Variants in TJP2 observed in about 807,000 individuals in gnomAD.
TJP2 encodes the protein tight junction protein 2.
Under a neutral mutation model 133.1 loss-of-function variants are expected in TJP2, and 91 were observed. That is an observed-to-expected ratio of 0.68 (90% CI 0.58 to 0.81). The LOEUF (loss-of-function observed/expected upper bound fraction) is 0.81, where lower values mean the gene tolerates loss of function less well. Ranked by LOEUF, TJP2 falls within the 40% of genes least tolerant of loss-of-function variation. The pLI is 0.00. For missense variants in TJP2, 1,541 were observed against 1,565.6 expected (o/e 0.98, Z 0.26); for synonymous variants, 592 against 583.4 (o/e 1.01, Z -0.21).
At chr9:69,212,715 A>G in intron 2 of TJP2, 114 bp downstream of exon 2, 1 of 773,998 alleles carries the variant, frequency 1.3e-6, no homozygotes, top group East Asian at 2.6e-5. Context: ...CTTGAGGTAC[A>G]TAATGTATTA....
intron 11 of TJP2, among the ~76,000 whole-genome samples, chr9:69,232,181 T>G (rs537279068): frequency 2.0e-4 from 30 of 152,252 alleles, no homozygotes; most frequent in Non-Finnish European, 4.3e-4. Flanking sequence ...GGGAACTGGC[T>G]TCTTTTGCTG....
chr9:69,168,403 A>C (rs1186392305), intron 2 of TJP2, among the ~76,000 whole-genome samples: 3 of 152,186 alleles, frequency 2.0e-5, no homozygotes, highest in Non-Finnish European at 4.4e-5. Flanking sequence ...TGTACAACTG[A>C]AAACAGTGTC....
At chr9:69,229,460 A>G (rs1396244116) in intron 10 of TJP2, among the ~76,000 whole-genome samples, 1 of 152,192 alleles carries the variant, frequency 6.6e-6, no homozygotes, top group East Asian at 1.9e-4. Flanking sequence ...TGTGATGTTA[A>G]TGTTGTCTGT....
At chr9:69,161,663 A>G (rs1427274307) in intron 2 of TJP2, among the ~76,000 whole-genome samples, 1 of 151,952 alleles carries the variant, frequency 6.6e-6, no homozygotes, top group Non-Finnish European at 1.5e-5. Flanking sequence ...GAGCACTATT[A>G]TATATTATTA....
intron 1 of TJP2, among the ~76,000 whole-genome samples, chr9:69,144,338 G>A (rs1426419102): frequency 1.3e-5 from 2 of 152,176 alleles, no homozygotes; most frequent in East Asian, 1.9e-4. Context: ...TAGGGTTTAA[G>A]ATTTGCGGGG....
At chr9:69,150,506 C>T (rs763564385) in intron 1 of TJP2, among the ~76,000 whole-genome samples, 1 of 151,972 alleles carries the variant, frequency 6.6e-6, no homozygotes, top group African/African-American at 2.4e-5. Flanking sequence ...GTTGGCCAGG[C>T]TGGTCTTGAT....
intron 2 of TJP2, among the ~76,000 whole-genome samples, chr9:69,153,444 C>A (rs888577091): frequency 6.6e-6 from 1 of 152,122 alleles, no homozygotes; most frequent in East Asian, 1.9e-4. Flanking sequence ...ATTAGCCAGG[C>A]GTGGTGGTGC....
chr9:69,240,073 C>T lies in TJP2; in HGVS notation c.2492C>T (p.Thr831Met), dbSNP rs778708131. 17 of 1,613,794 alleles carry T rather than the reference C, an allele frequency of 1.1e-5. No individual in the cohort carries two copies. The highest frequency in any genetic ancestry group is 1.6e-4 in the Middle Eastern group (1 of 6,084). The change falls in exon 17 of 23, where the codon ACG becomes ATG. Residue 831 changes from threonine (T) to methionine (M), a missense_variant. By Grantham distance (81) the Thr-to-Met change is moderately conservative (BLOSUM62 -1). Transcript: ENST00000377245. ...ACCATGAGACAAAGGTTAAATCCAA[C>T]GTCCAACAAAAGTTCTCGAAAGTTA... is the stretch of plus-strand genomic sequence containing the variant. ...VKTMRQRLNPTSNKSSRKLFD... is the reference protein window; with the variant it reads ...VKTMRQRLNPMSNKSSRKLFD...
intron 5 of TJP2, 79 bp downstream of exon 5, chr9:69,221,575 C>A (rs1416869251): frequency 1.3e-6 from 2 of 1,523,254 alleles, no homozygotes; most frequent in African/African-American, 1.4e-5. Context: ...TTTTTTCCCC[C>A]GAAAGTGTTG....
At chr9:69,150,021 G>T (rs964482950) in intron 1 of TJP2, among the ~76,000 whole-genome samples, 1 of 151,892 alleles carries the variant, frequency 6.6e-6, no homozygotes, top group South Asian at 2.1e-4. Flanking sequence ...GTGGTGGCAC[G>T]TGCCTGTAAT....
At chr9:69,158,223 G>C (rs1823873500) in intron 2 of TJP2, among the ~76,000 whole-genome samples, 1 of 150,654 alleles carries the variant, frequency 6.6e-6, no homozygotes, top group African/African-American at 2.4e-5. Flanking sequence ...AGCTACTCGG[G>C]AGGTTGAGGC....
In TJP2 at chr9:69,221,092, G is replaced by C; in HGVS notation, c.548G>C (p.Arg183Pro). 6.3e-7 allele frequency: 1 copy of C among 1,585,956 alleles called. No individual in the cohort carries two copies. Among genetic ancestry groups the C allele is most frequent in the East Asian group, 2.3e-5 (1 of 43,302 alleles). ...DSPERGRPHE[R>P]ARSRERDLSR... is the part of the protein sequence containing the mutation. ...CCGGAAAGGGGGCGTCCCCATGAGC[G>C]GGCCCGGAGCCGGGAGCGGGACCTC... Residue 183 changes from arginine to proline, a missense_variant, in exon 5 of 23, where the codon CGG becomes CCG. Arg to Pro is a moderately radical substitution (Grantham distance 103). Coordinates refer to ENST00000377245, the MANE Select transcript of TJP2 (RefSeq NM_004817.4).
chr9:69,173,615 G>T (rs929004080), upstream of TJP2, among the ~76,000 whole-genome samples: 1 of 152,168 alleles, frequency 6.6e-6, no homozygotes, highest in Non-Finnish European at 1.5e-5. Flanking sequence ...TCGGAATTCG[G>T]GTAGGCAGTT....
chr9:69,211,324 G>A (rs1356765687), intron 1 of TJP2, among the ~76,000 whole-genome samples: 1 of 152,196 alleles, frequency 6.6e-6, no homozygotes, highest in South Asian at 2.1e-4. Context: ...GCGACAGAAC[G>A]AGACTCCGTC....
chr9:69,192,826 T>C (rs1261984271), intron 1 of TJP2, among the ~76,000 whole-genome samples: 1 of 152,044 alleles, frequency 6.6e-6, no homozygotes, highest in Non-Finnish European at 1.5e-5. Context: ...TGGTGCTAAG[T>C]CCTTGGATGG....
chr9:69,173,965 G>A (rs1824846101), upstream of TJP2: 1 of 985,192 alleles, frequency 1.0e-6, no homozygotes, highest in Non-Finnish European at 1.2e-6. Context: ...GGGGGTGGAG[G>A]GGTGCAGGCG....
Position 69,140,383 on chromosome 9 carries a change from C to A in TJP2, c.-130-11268C>A, listed in dbSNP as rs548506166. Among the ~76,000 whole-genome samples, 98 of 152,290 alleles carry A rather than the reference C, an allele frequency of 6.4e-4. 1 individual carries two copies. The highest frequency in any genetic ancestry group is 1.2e-3 in the Non-Finnish European group (80 of 68,014). ...GGCAGAGACATTGACTCTTCCAAAG[C>A]CACACAGCTAGTCAGTGATGGAGCT... On this transcript the variant is annotated intron_variant, in intron 1 of 5. Coordinates refer to the TJP2 transcript ENST00000423935.
intron 1 of TJP2, among the ~76,000 whole-genome samples, chr9:69,198,457 T>G (rs963992154): frequency 5.9e-5 from 9 of 152,174 alleles, no homozygotes; most frequent in Non-Finnish European, 7.4e-5. Context: ...TCTCAATTCT[T>G]TATTATCTAT....
chr9:69,213,276 TG>T, intron 2 of TJP2, among the ~76,000 whole-genome samples: 1 of 152,176 alleles, frequency 6.6e-6, no homozygotes, highest in East Asian at 1.9e-4. Context: ...TTGGTCAGGC[TG>T]GTCTCGAACT....
Sources: allele counts gnomAD v4.1 joint callset (sites outside exome capture counted in the v4.1 genomes callset), GRCh38; gene constraint gnomAD v4.1.1; transcripts MANE v1.5; gene names NCBI Gene and HGNC (gene_info 2026-07-23, HGNC 2026-07-21).